The following ZPBP variants were observed in gnomAD, a reference collection of about 807,000 sequenced individuals.
ZPBP encodes the protein zona pellucida-binding protein 1.
Under a neutral mutation model 44.8 loss-of-function variants are expected in ZPBP, and 26 were observed. That is an observed-to-expected ratio of 0.58 (90% confidence interval 0.43 to 0.81). ZPBP has a LOEUF of 0.81. ZPBP is among the 30% of genes least tolerant of loss of function. ZPBP has a pLI of 0.00. For missense variants in ZPBP, 409 were observed against 434.0 expected (o/e 0.94, Z 0.51); for synonymous variants, 174 against 153.2 (o/e 1.14, Z -1.00).
At chr7:49,906,742 G>A (rs1169416815) in intron 1 of ZPBP, among the ~76,000 whole-genome samples, 1 of 152,226 alleles carries the variant, frequency 6.6e-6, no homozygotes, top group Admixed American at 6.5e-5. Context: ...TACAGATGCT[G>A]AGTTGCCTTC....
At chr7:49,961,187 T>C (rs867240346) in intron 7 of ZPBP, among the ~76,000 whole-genome samples, 5 of 152,258 alleles carry the variant, frequency 3.3e-5, no homozygotes, top group Admixed American at 1.3e-4. Context: ...TTATTTGTAA[T>C]GGCCTAAAAC....
chr7:50,027,630 T>C (rs901363932), intron 5 of ZPBP, among the ~76,000 whole-genome samples: 1 of 151,810 alleles, frequency 6.6e-6, no homozygotes, highest in Non-Finnish European at 1.5e-5. Flanking sequence ...GTAGAAAAGA[T>C]ATAAAATACA....
rs539633667 is a variant in ZPBP, at chr7:49,951,073, A to G, written c.962-13451T>C. ...TCAAATAATACAGTTGAACTCCTAC[A>G]ACACACAATTTATAAAAATTAGTTC... On this transcript the variant is annotated intron_variant, in intron 7 of 7. Transcript: ENST00000046087. Among the ~76,000 whole-genome samples, 5 of 151,990 alleles carry G rather than the reference A, an allele frequency of 3.3e-5. No individual in the cohort carries two copies. In the South Asian group the frequency reaches 1.0e-3, roughly 31 times the overall value.
chr7:49,943,696 G>C, intron 7 of ZPBP: 1 of 259,626 alleles, frequency 3.9e-6, no homozygotes, highest in South Asian at 4.4e-5. Flanking sequence ...GTGTTCCCAG[G>C]GTTTATTCTT....
chr7:49,923,317 T>A (rs76126211), intron 1 of ZPBP, among the ~76,000 whole-genome samples: 4,565 of 152,284 alleles, frequency 0.03, 187 homozygotes, highest in South Asian at 0.13. Flanking sequence ...ACAGATTCCA[T>A]GTAAAAAAGA....
chr7:49,943,174 C>T (rs528298516), intron 7 of ZPBP: 7 of 313,496 alleles, frequency 2.2e-5, no homozygotes, highest in African/African-American at 1.5e-4. Flanking sequence ...GTTAGCTTCT[C>T]AATAAAGTCC....
In ZPBP at chr7:49,981,612, T is replaced by TCA. The variant is rs1478196193; in HGVS notation, c.961+1729_961+1730insTG. On this transcript the variant is annotated intron_variant, in intron 7 of 7. Coordinates refer to ENST00000046087, the MANE Select transcript of ZPBP (RefSeq NM_007009.3). ...TTATATAATTATATAAATTATATAA[T>TCA]TATATTATATTATATTATATTATAT... Among the ~76,000 whole-genome samples, 6 of 20,374 alleles carry TCA rather than the reference T, an allele frequency of 2.9e-4. 1 individual carries two copies. The highest frequency in any genetic ancestry group is 8.6e-4 in the African/African-American group (4 of 4,628). The allele number at this position is 20,374 out of a possible 152,430, so 13.4% of individuals were successfully genotyped here.
chr7:49,893,436 C>T lies in ZPBP; in HGVS notation n.509+7682G>A, dbSNP rs76743475. The stretch of plus-strand genomic sequence containing the variant: ...ATGAAGATTATTTCTTCCATAGAGA[C>T]AAAATTTGATTTTTTTCGTGCTTGT... On this transcript the variant is annotated intron_variant and non_coding_transcript_variant, in intron 2 of 2. Transcript: ENST00000465922. Among the ~76,000 whole-genome samples, 1,281 of 152,250 alleles carry T rather than the reference C, an allele frequency of 8.4e-3. 21 individuals carry two copies. Among genetic ancestry groups the T allele is most frequent in the African/African-American group, 0.029 (1,203 of 41,544 alleles).
intron 1 of ZPBP, among the ~76,000 whole-genome samples, chr7:49,902,816 C>A (rs1308642457): frequency 2.6e-5 from 4 of 151,842 alleles, no homozygotes; most frequent in African/African-American, 9.7e-5. Flanking sequence ...ATCAAAGACC[C>A]CTTTAAGATG....
intron 1 of ZPBP, among the ~76,000 whole-genome samples, chr7:49,928,263 A>G (rs1451236205): frequency 6.6e-6 from 1 of 152,122 alleles, no homozygotes; most frequent in Non-Finnish European, 1.5e-5. Context: ...GTGCATTCCT[A>G]TGTGCTGTGT....
At chr7:50,058,792 A>G (rs1482240922) in intron 3 of ZPBP, among the ~76,000 whole-genome samples, 1 of 152,138 alleles carries the variant, frequency 6.6e-6, no homozygotes, top group African/African-American at 2.4e-5. Flanking sequence ...ATTTCAACAT[A>G]CTTCATTATT....
intron 6 of ZPBP, among the ~76,000 whole-genome samples, chr7:49,996,829 T>C (rs532453653): frequency 6.6e-6 from 1 of 152,244 alleles, no homozygotes; most frequent in Non-Finnish European, 1.5e-5. Flanking sequence ...TACGTCTGCA[T>C]ATGTCAGACT....
At chr7:50,000,421 G>A (rs192952903) in intron 6 of ZPBP, among the ~76,000 whole-genome samples, 16 of 152,050 alleles carry the variant, frequency 1.1e-4, no homozygotes, top group South Asian at 8.3e-4. Flanking sequence ...TTTGATGACC[G>A]CACCAACTTG....
chr7:49,890,978 G>A (rs1792102828), intron 2 of ZPBP, among the ~76,000 whole-genome samples: 1 of 151,930 alleles, frequency 6.6e-6, no homozygotes, highest in Admixed American at 6.6e-5. Context: ...AAAAAAAGAT[G>A]GGCTAAATAG....
intron 6 of ZPBP, among the ~76,000 whole-genome samples, chr7:49,995,545 A>G (rs1176910333): frequency 2.0e-5 from 3 of 152,228 alleles, no homozygotes; most frequent in African/African-American, 7.2e-5. Flanking sequence ...CACAGGCCAA[A>G]TAGGAGAGAT....
the ZPBP span, among the ~76,000 whole-genome samples, chr7:49,841,064 C>G: frequency 7.2e-5 from 11 of 152,158 alleles, no homozygotes; most frequent in Non-Finnish European, 1.6e-4. Flanking sequence ...TATTTGGATT[C>G]CAGAGGAATG....
intron 2 of ZPBP, among the ~76,000 whole-genome samples, chr7:50,085,203 T>C (rs1193532790): frequency 6.6e-6 from 1 of 152,138 alleles, no homozygotes; most frequent in Non-Finnish European, 1.5e-5. Flanking sequence ...AGGGAAAAGA[T>C]GGCAATCTAA....
chr7:50,084,512 A>T (rs1802531185), intron 2 of ZPBP, among the ~76,000 whole-genome samples: 1 of 152,000 alleles, frequency 6.6e-6, no homozygotes, highest in Non-Finnish European at 1.5e-5. Flanking sequence ...TAAAAGGCGA[A>T]CGAGTTAAAA....
intron 2 of ZPBP, 143 bp from the exon 3 acceptor site, chr7:50,082,042 T>A: frequency 1.2e-6 from 1 of 850,020 alleles, no homozygotes; most frequent in Non-Finnish European, 1.8e-6. Context: ...AAACTAAATT[T>A]CATTGCATTC....
Sources: gnomAD v4.1 joint callset for allele counts (sites outside exome capture counted in the v4.1 genomes callset) on GRCh38, gnomAD v4.1.1 for gene constraint, MANE v1.5 for transcripts, NCBI Gene and HGNC (gene_info 2026-07-23, HGNC 2026-07-21) for gene names.